Variants in UGT1A4 observed in about 807,000 individuals in gnomAD.
UGT1A4 encodes the protein UDP-glucuronosyltransferase 1A4.
UGT1A4 carries 32 observed loss-of-function variants against 41.1 expected under a neutral mutation model. The observed-to-expected ratio is 0.78, with a 90% CI of 0.59 to 1.05. The LOEUF (loss-of-function observed/expected upper bound fraction) is 1.05. Among genes scored for constraint, UGT1A4 ranks in the 50% least tolerant of loss-of-function variants. The pLI is 0.00. For missense variants in UGT1A4, 748 were observed against 677.4 expected (o/e 1.10, Z -1.16); for synonymous variants, 283 against 265.1 (o/e 1.07, Z -0.66).
intron 1 of UGT1A4, chr2:233,748,212 G>A (rs1693895532): frequency 2.0e-6 from 3 of 1,495,994 alleles, no homozygotes; most frequent in Non-Finnish European, 2.7e-6. Flanking sequence ...ATAGCCTTCA[G>A]TGAGATAAAC....
chr2:233,723,771 G>A (rs1183544101), intron 1 of UGT1A4, among the ~76,000 whole-genome samples: 1 of 58,926 alleles, frequency 1.7e-5, no homozygotes, highest in Non-Finnish European at 2.9e-5. Flanking sequence ...GTTTAACAAA[G>A]CACATCTTGC....
At chr2:233,740,454 A>T (rs1319736893) in intron 1 of UGT1A4, among the ~76,000 whole-genome samples, 4 of 151,980 alleles carry the variant, frequency 2.6e-5, no homozygotes, top group Admixed American at 2.0e-4. Flanking sequence ...GAGGAGAAGA[A>T]GATGATGGAC....
chr2:233,719,330 G>GT lies in UGT1A4; in HGVS notation c.517dup (p.Trp173LeufsTer7). 2 of 1,613,866 alleles carry GT rather than the reference G, an allele frequency of 1.2e-6. No homozygotes were observed. The highest frequency in any genetic ancestry group is 8.5e-7 in the Non-Finnish European group (1 of 1,179,848). On this transcript the variant is annotated frameshift_variant, in exon 1 of 5. Transcript: ENST00000373409. LOFTEE classifies it high-confidence loss of function. ...CTAAGTACCTGTCGATTCCTGCTGT[G>GT]TTTTTTTGGAGGTACATTCCATGTG... is the stretch of plus-strand genomic sequence containing the variant.
intron 1 of UGT1A4, among the ~76,000 whole-genome samples, chr2:233,751,671 A>T (rs1207862608): frequency 6.6e-6 from 1 of 152,074 alleles, no homozygotes; most frequent in Admixed American, 6.6e-5. Context: ...GTGAGTTCTA[A>T]TGAGAGCTGA....
At chr2:233,721,989 A>C (rs2076985463) in intron 1 of UGT1A4, 1 of 271,622 alleles carries the variant, frequency 3.7e-6, no homozygotes, top group Non-Finnish European at 7.4e-6. Context: ...TAGTTTCACG[A>C]ATGTCCTTTA....
intron 1 of UGT1A4, among the ~76,000 whole-genome samples, chr2:233,732,992 G>A (rs1489601833): frequency 1.3e-5 from 2 of 152,152 alleles, no homozygotes; most frequent in Non-Finnish European, 2.9e-5. Context: ...TCGTTGAGCA[G>A]TGGTTTGTAG....
rs149433426 is a variant in UGT1A4, at chr2:233,719,293, G to A, written c.473G>A (p.Gly158Glu). 1.9e-6 allele frequency: 3 copies of A among 1,613,970 alleles called. No homozygotes were observed. The highest frequency in any genetic ancestry group is 1.7e-4 in the Middle Eastern group (1 of 6,058). Residue 158 changes from glycine (G) to glutamate (E), a missense_variant, in exon 1 of 5, where the codon GGG becomes GAG. Coordinates refer to ENST00000373409, the MANE Select transcript of UGT1A4 (RefSeq NM_007120.3). ...TTAACAGACCCCGTTAACCTCTGTG[G>A]GGCGGTGCTGGCTAAGTACCTGTCG... ...VVLTDPVNLC[G>E]AVLAKYLSIP...
intron 1 of UGT1A4, among the ~76,000 whole-genome samples, chr2:233,748,979 CT>C (rs1333740168): frequency 1.3e-5 from 2 of 151,700 alleles, no homozygotes; most frequent in Non-Finnish European, 2.9e-5. Flanking sequence ...GGATCTACTT[CT>C]TTACCAACAA....
rs187768174 is a variant in UGT1A4, at chr2:233,743,103, C to T, written c.867+23416C>T. 4.1e-3 allele frequency: 1,437 copies of T among 353,348 alleles called. 18 individuals carry two copies. Among genetic ancestry groups the T allele is most frequent in the South Asian group, 0.019 (861 of 45,444 alleles). 21.9% of individuals were successfully genotyped at this position (353,348 alleles called of 1,614,324 possible). A position where few individuals can be genotyped will look rare whatever the true frequency, so the allele number is the denominator to read the frequency against. ...AGTGTTTATAAATTCTTGGGTACAG[C>T]TGTTCTGAAAGTAAAGTTCACTTTC... On this transcript the variant is annotated intron_variant, in intron 1 of 4. Transcript: ENST00000373409.
At chr2:233,755,096 G>T (rs62191920) in intron 1 of UGT1A4, 3 of 1,334,468 alleles carry the variant, frequency 2.2e-6, no homozygotes, top group Non-Finnish European at 3.0e-6. Context: ...GTTTCTACGC[G>T]TCCGACAACA....
intron 4 of UGT1A4, chr2:233,770,791 A>G (rs1255344851): frequency 2.0e-5 from 3 of 152,202 alleles, no homozygotes; most frequent in Admixed American, 6.5e-5. Flanking sequence ...AACATTATAG[A>G]TATGTTTAAA....
At chr2:233,736,628 T>C (rs1418847955) in intron 1 of UGT1A4, among the ~76,000 whole-genome samples, 1 of 152,228 alleles carries the variant, frequency 6.6e-6, no homozygotes, top group Admixed American at 6.5e-5. Context: ...GCTTTTCTGC[T>C]CTAGTTTCCC....
intron 1 of UGT1A4, among the ~76,000 whole-genome samples, chr2:233,736,694 G>T (rs2078793950): frequency 6.6e-6 from 1 of 152,122 alleles, no homozygotes; most frequent in South Asian, 2.1e-4. Context: ...CCTACAGATG[G>T]GGTTTTGGTG....
chr2:233,742,052 G>C (rs146940550), intron 1 of UGT1A4: 14 of 152,060 alleles, frequency 9.2e-5, no homozygotes, highest in African/African-American at 3.4e-4. Context: ...CAATAGGATA[G>C]TTCTGTGTGG....
chr2:233,728,992 A>G (rs990793859), intron 1 of UGT1A4: 2 of 1,544,002 alleles, frequency 1.3e-6, no homozygotes, highest in Admixed American at 1.9e-5. Flanking sequence ...ATAATTAACT[A>G]GAGGAGGGCA....
At chr2:233,719,708 C>T in intron 1 of UGT1A4, 21 bp downstream of exon 1, 1 of 1,613,968 alleles carries the variant, frequency 6.2e-7, no homozygotes, top group Non-Finnish European at 8.5e-7. Flanking sequence ...GTGCCTTCAT[C>T]CAATCAATGT....
At chr2:233,762,024 A>T (rs1393568604) in intron 1 of UGT1A4, among the ~76,000 whole-genome samples, 1 of 151,856 alleles carries the variant, frequency 6.6e-6, no homozygotes, top group Non-Finnish European at 1.5e-5. Context: ...TTTGTATTTT[A>T]TTTTTTTTAA....
At position 233,769,699 on chromosome 2, in the gene UGT1A4, A is replaced by G. The variant is rs1699920777; in HGVS notation, c.1307+1260A>G. On this transcript the variant is annotated intron_variant, in intron 4 of 4. Transcript: ENST00000373409. The surrounding 1 kb of genome is among the most constrained non-coding windows in gnomAD (Gnocchi z 4.4). ...TGTGTGTGGTGGCACTGGATAAAAG[A>G]TCAATGTTGGCTAGGCACCATGGCA... 4 of 1,529,942 alleles carry G rather than the reference A, an allele frequency of 2.6e-6. No individual in the cohort carries two copies. The South Asian group carries it at 3.8e-5, about 14-fold the overall frequency. 94.8% of individuals were successfully genotyped at this position (1,529,942 alleles called of 1,614,324 possible). A position where few individuals can be genotyped will look rare whatever the true frequency, so the allele number is the denominator to read the frequency against.
chr2:233,758,687 A>T (rs1165998608), intron 1 of UGT1A4, among the ~76,000 whole-genome samples: 1 of 152,210 alleles, frequency 6.6e-6, no homozygotes, highest in Non-Finnish European at 1.5e-5. Flanking sequence ...CCCATAGGAC[A>T]CCAAAACTCT....
Sources: gnomAD v4.1 joint callset for allele counts (sites outside exome capture counted in the v4.1 genomes callset) on GRCh38, gnomAD v4.1.1 for gene constraint, Gnocchi (gnomAD v3.1) non-coding constraint, MANE v1.5 for transcripts, NCBI Gene and HGNC (gene_info 2026-07-23, HGNC 2026-07-21) for gene names.